The following NR3C2 variants were observed in gnomAD, a reference collection of about 807,000 sequenced individuals.
NR3C2 encodes mineralocorticoid receptor.
NR3C2 carries 15 observed loss-of-function variants against 86.4 expected under a neutral mutation model. That is an observed-to-expected ratio of 0.17 (90% CI 0.12 to 0.27). NR3C2 has a LOEUF of 0.27. NR3C2 is among the 10% of genes least tolerant of loss of function. The pLI, the probability that NR3C2 is intolerant of heterozygous loss-of-function variation, is 1.00. For missense variants in NR3C2, 960 were observed against 1,195.6 expected (o/e 0.80, Z 2.91); for synonymous variants, 458 against 450.5 (o/e 1.02, Z -0.21).
At chr4:148,292,486 G>T (rs1741844603) in intron 2 of NR3C2, among the ~76,000 whole-genome samples, 1 of 151,946 alleles carries the variant, frequency 6.6e-6, no homozygotes, top group Non-Finnish European at 1.5e-5. Context: ...AGATCGAAAA[G>T]AAAAATTCTA....
chr4:148,345,703 G>GGTGTGCCT (rs1355913856), intron 2 of NR3C2, among the ~76,000 whole-genome samples: 1 of 151,818 alleles, frequency 6.6e-6, no homozygotes, highest in Non-Finnish European at 1.5e-5. Flanking sequence ...TTCGTGTGCC[G>GGTGTGCCT]GAGTAAAGGT....
In NR3C2 at chr4:148,260,977, C is replaced by G. The variant is rs61760297; in HGVS notation, c.1758-860G>C. 2.1e-3 allele frequency among the ~76,000 whole-genome samples: 317 copies of G among 152,312 alleles called. 1 individual carries two copies. Among genetic ancestry groups the G allele is most frequent in the Non-Finnish European group, 3.9e-3 (268 of 68,030 alleles). ...AGTGACAGTTTAGATATGTACCAAGCAGGCAAACAAGTTGATTTTTCAATT... is the reference window on the plus strand; with the variant it reads ...AGTGACAGTTTAGATATGTACCAAGGAGGCAAACAAGTTGATTTTTCAATT... On this transcript the variant is annotated intron_variant, in intron 2 of 8. Transcript: ENST00000358102.
At chr4:148,308,424 G>A (rs1742743703) in intron 2 of NR3C2, among the ~76,000 whole-genome samples, 1 of 152,010 alleles carries the variant, frequency 6.6e-6, no homozygotes, top group Non-Finnish European at 1.5e-5. Context: ...AGCATATAAA[G>A]TTGATGTATT....
At chr4:148,427,182 T>C (rs1037442632) in intron 2 of NR3C2, among the ~76,000 whole-genome samples, 2 of 152,102 alleles carry the variant, frequency 1.3e-5, no homozygotes, top group African/African-American at 4.8e-5. Flanking sequence ...CTCAAACTCC[T>C]GGCCTCAAGT....
At chr4:148,364,270 G>C (rs917628085) in intron 2 of NR3C2, among the ~76,000 whole-genome samples, 2 of 152,192 alleles carry the variant, frequency 1.3e-5, no homozygotes, top group Admixed American at 1.3e-4. Flanking sequence ...CAGTGTGTTG[G>C]AAATGAAACA....
chr4:148,442,719 T>C (rs1750415476), upstream of NR3C2: 1 of 985,320 alleles, frequency 1.0e-6, no homozygotes, highest in East Asian at 1.1e-4. Context: ...CTCGGCAGCT[T>C]CCTTAAAGCC....
chr4:148,110,101 T>C (rs544374287), intron 8 of NR3C2, among the ~76,000 whole-genome samples: 18 of 152,342 alleles, frequency 1.2e-4, no homozygotes, highest in African/African-American at 4.3e-4. Flanking sequence ...CAAAACTACA[T>C]TTACTCCTAG....
At chr4:148,373,870 G>A (rs978404393) in intron 2 of NR3C2, among the ~76,000 whole-genome samples, 25 of 152,278 alleles carry the variant, frequency 1.6e-4, no homozygotes, top group African/African-American at 5.1e-4. Flanking sequence ...CTGTGAAACA[G>A]ACATCCTATT....
At chr4:148,421,505 C>T (rs1376464670) in intron 2 of NR3C2, among the ~76,000 whole-genome samples, 1 of 152,178 alleles carries the variant, frequency 6.6e-6, no homozygotes, top group African/African-American at 2.4e-5. Flanking sequence ...AGTATCACAA[C>T]ATTCTAAGAA....
At chr4:148,303,934 T>C (rs1398466069) in intron 2 of NR3C2, among the ~76,000 whole-genome samples, 1 of 152,200 alleles carries the variant, frequency 6.6e-6, no homozygotes, top group Non-Finnish European at 1.5e-5. Flanking sequence ...TTGACCCCCA[T>C]GGGCAGCAGC....
chr4:148,384,265 C>A (rs938471887), intron 2 of NR3C2, among the ~76,000 whole-genome samples: 1 of 151,872 alleles, frequency 6.6e-6, no homozygotes, highest in East Asian at 1.9e-4. Context: ...TGATAATTTT[C>A]AAATTATCAA....
chr4:148,352,552 T>C (rs1225805061), intron 2 of NR3C2, among the ~76,000 whole-genome samples: 3 of 152,128 alleles, frequency 2.0e-5, no homozygotes, highest in African/African-American at 7.2e-5. Flanking sequence ...TGTGACACTG[T>C]GTATTTTCTC....
At chr4:148,443,222 CAAAAAAAAAAA>C (rs59506438), upstream of NR3C2, among the ~76,000 whole-genome samples, 944 of 41,056 alleles carry the variant, frequency 0.023, 12 homozygotes, top group South Asian at 0.025. Flanking sequence ...CCCCTAACAC[CAAAAAAAAAAA>C]AAAAAAAAAA....
intron 3 of NR3C2, among the ~76,000 whole-genome samples, chr4:148,256,363 T>TAC (rs1256331875): frequency 1.3e-5 from 2 of 152,226 alleles, no homozygotes; most frequent in African/African-American, 2.4e-5. Flanking sequence ...TTGTATCATT[T>TAC]ACATCATCTC....
At chr4:148,355,010 T>G (rs1460965257) in intron 2 of NR3C2, among the ~76,000 whole-genome samples, 1 of 152,210 alleles carries the variant, frequency 6.6e-6, no homozygotes, top group African/African-American at 2.4e-5. Flanking sequence ...CTAATATCAC[T>G]AAATTATTTC....
intron 3 of NR3C2, among the ~76,000 whole-genome samples, chr4:148,226,616 A>G (rs1426359748): frequency 6.6e-6 from 1 of 152,178 alleles, no homozygotes; most frequent in Non-Finnish European, 1.5e-5. Context: ...TGTACTAGGT[A>G]GGCCTAGGGT....
At chr4:148,443,996 G>GC, upstream of NR3C2, 1 of 985,328 alleles carries the variant, frequency 1.0e-6, no homozygotes, top group Non-Finnish European at 1.2e-6. Flanking sequence ...GCTTGGAGCT[G>GC]CCCCCGGCGT....
chr4:148,401,536 T>A (rs540835585), intron 2 of NR3C2, among the ~76,000 whole-genome samples: 37 of 146,480 alleles, frequency 2.5e-4, no homozygotes, highest in Admixed American at 2.1e-3. Context: ...CAATCTAGGC[T>A]CACTGCAAGC....
intron 2 of NR3C2, among the ~76,000 whole-genome samples, chr4:148,364,819 T>G (rs1196690945): frequency 6.6e-6 from 1 of 151,878 alleles, no homozygotes; most frequent in Admixed American, 6.6e-5. Flanking sequence ...TTTGGGTTTT[T>G]TTTTTTTTTT....
Sources: gnomAD v4.1 joint callset for allele counts (sites outside exome capture counted in the v4.1 genomes callset) on GRCh38, gnomAD v4.1.1 for gene constraint, MANE v1.5 for transcripts, NCBI Gene and HGNC (gene_info 2026-07-23, HGNC 2026-07-21) for gene names.